The following VEPH1 variants were observed in gnomAD, a reference collection of about 807,000 sequenced individuals.
VEPH1 encodes the protein ventricular zone expressed PH domain containing 1.
In VEPH1, 80 loss-of-function variants were observed where a neutral mutation model predicts 85.2. The observed-to-expected ratio is 0.94, with a 90% CI of 0.78 to 1.13. The LOEUF is 1.13. VEPH1 is among the 50% of genes most tolerant of loss of function. The probability of loss-of-function intolerance (pLI) is 0.00; values close to 1 mark genes in which losing one functional copy is unlikely to be tolerated. For synonymous variants in VEPH1, 297 were observed against 348.0 expected (o/e 0.85, Z 1.63); for missense variants, 955 against 980.5 (o/e 0.97, Z 0.35).
chr3:157,320,647 T>G (rs766161620), intron 9 of VEPH1, among the ~76,000 whole-genome samples: 1 of 152,182 alleles, frequency 6.6e-6, no homozygotes, highest in Non-Finnish European at 1.5e-5. Flanking sequence ...TTATTTTTAT[T>G]GGAATGTGGC....
intron 7 of VEPH1, among the ~76,000 whole-genome samples, chr3:157,373,925 A>G (rs1727795951): frequency 6.6e-6 from 1 of 152,132 alleles, no homozygotes; most frequent in African/African-American, 2.4e-5. Context: ...AGCCTGTCTG[A>G]GGTCTCACAC....
At chr3:157,464,199 C>T (rs752764938) in intron 3 of VEPH1, among the ~76,000 whole-genome samples, 4 of 152,186 alleles carry the variant, frequency 2.6e-5, no homozygotes, top group Admixed American at 6.5e-5. Flanking sequence ...ACATCTCAGT[C>T]TCACCTATGC....
chr3:157,438,114 T>A (rs1291012567), intron 4 of VEPH1, among the ~76,000 whole-genome samples: 1 of 149,592 alleles, frequency 6.7e-6, no homozygotes. Context: ...AGGCACACCA[T>A]ACAAGGCGGG....
chr3:157,487,645 T>C lies in VEPH1; in HGVS notation c.138+7567A>G, dbSNP rs77385555. Among the ~76,000 whole-genome samples the C allele has an allele frequency of 7.5e-3, 1,136 of 152,258 alleles. 21 individuals carry two copies. Among genetic ancestry groups the C allele is most frequent in the East Asian group, 0.067 (347 of 5,184 alleles). On this transcript the variant is annotated intron_variant, in intron 2 of 13. Coordinates refer to ENST00000362010, the MANE Select transcript of VEPH1 (RefSeq NM_001167912.2). ...AGGACAATTAAAGACCAATCTCATA[T>C]ATAAGCATAGTTCTAAAACTACTTT...
chr3:157,271,167 T>C (rs1714504243), intron 12 of VEPH1, among the ~76,000 whole-genome samples: 1 of 151,890 alleles, frequency 6.6e-6, no homozygotes, highest in South Asian at 2.1e-4. Flanking sequence ...AGGTGTAAGA[T>C]CCAGGAAAGA....
chr3:157,459,872 T>A, intron 4 of VEPH1: 2 of 1,537,160 alleles, frequency 1.3e-6, no homozygotes, highest in Non-Finnish European at 1.7e-6. Context: ...AGATAAGATC[T>A]CCACAGTTGG....
intron 12 of VEPH1, among the ~76,000 whole-genome samples, chr3:157,274,014 G>A (rs998234094): frequency 2.6e-5 from 4 of 152,300 alleles, no homozygotes; most frequent in Admixed American, 2.6e-4. Context: ...TCCAGAATCT[G>A]CCACTTACCA....
chr3:157,343,400 T>G (rs1723817816), intron 9 of VEPH1, among the ~76,000 whole-genome samples: 1 of 152,132 alleles, frequency 6.6e-6, no homozygotes, highest in African/African-American at 2.4e-5. Flanking sequence ...TATAAACACC[T>G]CTACGCAAAT....
intron 12 of VEPH1, among the ~76,000 whole-genome samples, chr3:157,271,029 G>A (rs1281180236): frequency 6.6e-6 from 1 of 152,072 alleles, no homozygotes; most frequent in African/African-American, 2.4e-5. Flanking sequence ...TAGGTGTGTG[G>A]GGGAAAACAC....
chr3:157,433,152 A>G (rs937043902), intron 4 of VEPH1, among the ~76,000 whole-genome samples: 12 of 152,074 alleles, frequency 7.9e-5, no homozygotes, highest in African/African-American at 2.9e-4. Flanking sequence ...TAGATGATCC[A>G]CTCATGATAA....
intron 4 of VEPH1, among the ~76,000 whole-genome samples, chr3:157,454,624 G>C (rs1302571757): frequency 2.0e-5 from 3 of 152,140 alleles, no homozygotes; most frequent in Admixed American, 2.0e-4. Context: ...TCAACTTTTA[G>C]AGTCAAGGGT....
At chr3:157,284,238 C>A (rs1317302637) in intron 12 of VEPH1, among the ~76,000 whole-genome samples, 2 of 152,162 alleles carry the variant, frequency 1.3e-5, no homozygotes, top group African/African-American at 4.8e-5. Flanking sequence ...ACTCACTCAA[C>A]AAATATAGCA....
intron 11 of VEPH1, among the ~76,000 whole-genome samples, chr3:157,305,642 TA>T (rs1719429937): frequency 6.6e-6 from 1 of 152,234 alleles, no homozygotes; most frequent in African/African-American, 2.4e-5. Context: ...AGGATATGAA[TA>T]TTTTTAAGAC....
intron 1 of VEPH1, among the ~76,000 whole-genome samples, chr3:157,498,860 C>T (rs552494956): frequency 2.7e-4 from 41 of 152,360 alleles, no homozygotes; most frequent in African/African-American, 9.9e-4. Flanking sequence ...GTCCTGTGGC[C>T]TGTGTGCACG....
intron 4 of VEPH1, among the ~76,000 whole-genome samples, chr3:157,428,900 A>T (rs542592135): frequency 6.6e-6 from 1 of 152,370 alleles, no homozygotes; most frequent in South Asian, 2.1e-4. Flanking sequence ...CAACAAAAAA[A>T]GTGCAAAGGA....
At chr3:157,419,907 G>C (rs1356987936) in intron 5 of VEPH1, among the ~76,000 whole-genome samples, 5 of 152,174 alleles carry the variant, frequency 3.3e-5, no homozygotes, top group South Asian at 4.1e-4. Context: ...CAATACCAAA[G>C]ACATGGAATC....
At chr3:157,399,180 C>T (rs1367991872) in intron 6 of VEPH1, among the ~76,000 whole-genome samples, 3 of 152,124 alleles carry the variant, frequency 2.0e-5, no homozygotes, top group Non-Finnish European at 2.9e-5. Flanking sequence ...TAATTTTTCC[C>T]AGTTAATTTA....
At chr3:157,299,574 A>AG in intron 11 of VEPH1, among the ~76,000 whole-genome samples, 3 of 151,104 alleles carry the variant, frequency 2.0e-5, no homozygotes, top group South Asian at 2.1e-4. Flanking sequence ...AAAAAAAAAA[A>AG]AAAAAAGAAA....
At chr3:157,327,721 A>G (rs2108584833) in intron 9 of VEPH1, among the ~76,000 whole-genome samples, 1 of 152,316 alleles carries the variant, frequency 6.6e-6, no homozygotes, top group East Asian at 1.9e-4. Flanking sequence ...CCCTTGGTGC[A>G]TATAGACTTG....
Sources: allele counts gnomAD v4.1 joint callset (sites outside exome capture counted in the v4.1 genomes callset), GRCh38; gene constraint gnomAD v4.1.1; transcripts MANE v1.5; gene names NCBI Gene and HGNC (gene_info 2026-07-23, HGNC 2026-07-21).